The following CDH12 variants were observed in gnomAD, a reference collection of about 807,000 sequenced individuals.
The protein encoded by CDH12 is cadherin-12.
Under a neutral mutation model 74.1 loss-of-function variants are expected in CDH12, and 41 were observed. The ratio of observed to expected loss-of-function variants is 0.55; its 90% confidence interval spans 0.43 to 0.72. CDH12 has a LOEUF of 0.72. Among genes scored for constraint, CDH12 ranks in the 30% least tolerant of loss-of-function variants. CDH12 has a pLI of 0.00. For synonymous variants in CDH12, 399 were observed against 355.0 expected, an observed-to-expected ratio of 1.12 and a Z score of -1.39; for missense variants, 945 against 977.2, an observed-to-expected ratio of 0.97 and a Z score of 0.44.
intron 3 of CDH12, among the ~76,000 whole-genome samples, chr5:22,294,560 G>A (rs971163637): frequency 3.9e-5 from 6 of 152,084 alleles, no homozygotes; most frequent in African/African-American, 1.2e-4. Context: ...AGATAAATTC[G>A]AAATCTTAGA....
In CDH12 at chr5:22,773,275, A is replaced by G. The variant is rs180832298; in HGVS notation, c.-523+79783T>C. 2.5e-4 allele frequency among the ~76,000 whole-genome samples: 38 copies of G among 152,254 alleles called. No individual in the cohort carries two copies. The East Asian group carries it at 6.0e-3, about 24-fold the overall frequency. ...ACTATACTATAAATGTACAGTAACC[A>G]AAACAGCACGGTACTGGGACAAAAA... On this transcript the variant is annotated intron_variant, in intron 1 of 14. Transcript: ENST00000382254.
intron 4 of CDH12, among the ~76,000 whole-genome samples, chr5:22,155,359 G>T (rs560296593): frequency 3.3e-5 from 5 of 152,058 alleles, no homozygotes; most frequent in African/African-American, 1.2e-4. Flanking sequence ...TCAAGGAGAG[G>T]TGGCATATAA....
chr5:22,458,747 T>C, intron 2 of CDH12, among the ~76,000 whole-genome samples: 1 of 152,216 alleles, frequency 6.6e-6, no homozygotes, highest in East Asian at 1.9e-4. Flanking sequence ...TGAACTCAAA[T>C]TACAATCACT....
chr5:22,558,317 A>T (rs1042439289), intron 1 of CDH12, among the ~76,000 whole-genome samples: 9 of 152,136 alleles, frequency 5.9e-5, no homozygotes, highest in Non-Finnish European at 1.3e-4. Context: ...CACCTCAGAT[A>T]TCAGGAAACC....
At chr5:22,418,741 C>A (rs556099333) in intron 2 of CDH12, among the ~76,000 whole-genome samples, 12 of 152,016 alleles carry the variant, frequency 7.9e-5, no homozygotes, top group Admixed American at 5.2e-4. Context: ...AAAACTAGCC[C>A]GGCATGGTGG....
chr5:22,440,200 A>G (rs770315129), intron 2 of CDH12, among the ~76,000 whole-genome samples: 10 of 152,140 alleles, frequency 6.6e-5, no homozygotes, highest in Non-Finnish European at 1.2e-4. Flanking sequence ...TGGAACCGAG[A>G]GCAACTTAAA....
intron 11 of CDH12, 135 bp downstream of exon 11, chr5:21,783,223 T>C (rs1746007743): frequency 1.5e-6 from 1 of 688,864 alleles, no homozygotes; most frequent in East Asian, 2.7e-5. Context: ...GGAAAAGGAA[T>C]AGGTTTCTGA....
chr5:22,650,252 G>T (rs1739662422), intron 1 of CDH12, among the ~76,000 whole-genome samples: 1 of 152,010 alleles, frequency 6.6e-6, no homozygotes. Context: ...GATGCACACA[G>T]GAAACTTCAG....
At chr5:22,233,005 A>G (rs1344385752) in intron 3 of CDH12, among the ~76,000 whole-genome samples, 2 of 151,254 alleles carry the variant, frequency 1.3e-5, no homozygotes, top group South Asian at 2.1e-4. Flanking sequence ...GTCTTTTGAT[A>G]TATTTGTATG....
chr5:22,540,476 T>C (rs1238510738), intron 1 of CDH12, among the ~76,000 whole-genome samples: 1 of 152,164 alleles, frequency 6.6e-6, no homozygotes, highest in South Asian at 2.1e-4. Context: ...TCACTTTTAG[T>C]AGTTTTATGT....
At chr5:22,647,487 A>T (rs1012907032) in intron 1 of CDH12, among the ~76,000 whole-genome samples, 3 of 151,716 alleles carry the variant, frequency 2.0e-5, no homozygotes, top group Non-Finnish European at 4.4e-5. Flanking sequence ...TCAAGTTGAC[A>T]GTATGTTCTG....
intron 1 of CDH12, among the ~76,000 whole-genome samples, chr5:22,700,446 G>T (rs190942347): frequency 2.0e-5 from 3 of 152,186 alleles, no homozygotes; most frequent in African/African-American, 7.2e-5. Context: ...GTCAAATAAG[G>T]CCTGATGTAT....
At chr5:22,479,823 G>A (rs1746313350) in intron 2 of CDH12, among the ~76,000 whole-genome samples, 1 of 152,080 alleles carries the variant, frequency 6.6e-6, no homozygotes, top group Admixed American at 6.6e-5. Context: ...TGTTTCATAT[G>A]TCTTTACTGG....
At chr5:22,664,415 A>T (rs1218787316) in intron 1 of CDH12, among the ~76,000 whole-genome samples, 3 of 152,100 alleles carry the variant, frequency 2.0e-5, no homozygotes, top group Non-Finnish European at 4.4e-5. Flanking sequence ...AGCGAAGGGG[A>T]GAAAAGCCCC....
intron 7 of CDH12, among the ~76,000 whole-genome samples, chr5:21,849,383 T>A (rs534958584): frequency 6.6e-6 from 1 of 151,874 alleles, no homozygotes; most frequent in Non-Finnish European, 1.5e-5. Context: ...AGTCTGACAA[T>A]GCAGAATACA....
intron 1 of CDH12, among the ~76,000 whole-genome samples, chr5:22,529,171 A>G (rs1375719381): frequency 0.01 from 555 of 53,512 alleles, 7 homozygotes; most frequent in East Asian, 0.032. Flanking sequence ...ATGTGTATAT[A>G]TATATATATA....
intron 4 of CDH12, among the ~76,000 whole-genome samples, chr5:22,208,628 T>G (rs1360941287): frequency 3.9e-5 from 6 of 152,202 alleles, no homozygotes; most frequent in Non-Finnish European, 8.8e-5. Context: ...ACACAGAACA[T>G]TTTTATTGGC....
intron 6 of CDH12, among the ~76,000 whole-genome samples, chr5:21,922,966 CTA>C (rs934383252): frequency 6.7e-6 from 1 of 149,448 alleles, no homozygotes; most frequent in African/African-American, 2.6e-5. Context: ...ATATCTATAT[CTA>C]TATCTATATC....
At chr5:22,036,806 A>C (rs1739220698) in intron 5 of CDH12, among the ~76,000 whole-genome samples, 1 of 152,194 alleles carries the variant, frequency 6.6e-6, no homozygotes, top group Non-Finnish European at 1.5e-5. Flanking sequence ...TATTCACTAA[A>C]CTAGCATTTC....
Sources: gnomAD v4.1 joint callset for allele counts (sites outside exome capture counted in the v4.1 genomes callset) on GRCh38, gnomAD v4.1.1 for gene constraint, MANE v1.5 for transcripts, NCBI Gene and HGNC (gene_info 2026-07-23, HGNC 2026-07-21) for gene names.